Variants in REDIC1 observed in about 807,000 individuals in gnomAD.
The protein encoded by REDIC1 is HEI10 Interacting Protein 1.
the REDIC1 span, among the ~76,000 whole-genome samples, chr12:39,711,889 G>A: frequency 7.0e-4 from 27 of 38,532 alleles, 1 homozygote; most frequent in African/African-American, 2.9e-3. Flanking sequence ...GCATGTGTAT[G>A]TGTATACACG....
the REDIC1 span, among the ~76,000 whole-genome samples, chr12:39,710,377 G>C: frequency 6.6e-6 from 1 of 151,718 alleles, no homozygotes; most frequent in African/African-American, 2.4e-5. Flanking sequence ...CTTGAAACTT[G>C]AATCTTTTGC....
chr12:39,644,561 G>A, the REDIC1 span, among the ~76,000 whole-genome samples: 2 of 151,874 alleles, frequency 1.3e-5, no homozygotes, highest in African/African-American at 4.8e-5. Flanking sequence ...GGAAGGGATA[G>A]AAATTGATCA....
chr12:39,653,492 GTCTTCTTCTTCTTCTTCT>G, the REDIC1 span, among the ~76,000 whole-genome samples: 18 of 54,352 alleles, frequency 3.3e-4, no homozygotes, highest in African/African-American at 6.2e-4. Flanking sequence ...CAATCTGGAT[GTCTTCTTCTTCTTCTTCT>G]TCTTCTTCTT....
the REDIC1 span, among the ~76,000 whole-genome samples, chr12:39,733,443 G>A: frequency 4.9e-4 from 74 of 151,744 alleles, no homozygotes; most frequent in East Asian, 6.8e-3. Flanking sequence ...TATCTTCAAC[G>A]TTTGTTTTTT....
chr12:39,696,718 CAA>C, the REDIC1 span, among the ~76,000 whole-genome samples: 1 of 151,672 alleles, frequency 6.6e-6, no homozygotes, highest in Non-Finnish European at 1.5e-5. Context: ...ACAAATTTAA[CAA>C]AGAGATTGAA....
chr12:39,807,712 G>T, the REDIC1 span, among the ~76,000 whole-genome samples: 1 of 151,974 alleles, frequency 6.6e-6, no homozygotes, highest in Admixed American at 6.6e-5. Flanking sequence ...CAGGAATTTT[G>T]TCCATTTCTT....
chr12:39,820,669 T>C, the REDIC1 span, among the ~76,000 whole-genome samples: 3 of 95,502 alleles, frequency 3.1e-5, no homozygotes, highest in East Asian at 9.3e-4. Flanking sequence ...GCTGCTCTTC[T>C]TTCTGTGACC....
chr12:39,750,385 C>G, the REDIC1 span, among the ~76,000 whole-genome samples: 1 of 152,174 alleles, frequency 6.6e-6, no homozygotes, highest in East Asian at 1.9e-4. Context: ...TCAAGAACTA[C>G]AAACCACTGC....
At chr12:39,631,004 T>G in the REDIC1 span, among the ~76,000 whole-genome samples, 3 of 152,172 alleles carry the variant, frequency 2.0e-5, no homozygotes, top group African/African-American at 7.2e-5. Flanking sequence ...TCTGTTAAAA[T>G]GAGCCTCCTC....
chr12:39,704,621 A>G, the REDIC1 span, among the ~76,000 whole-genome samples: 1 of 152,058 alleles, frequency 6.6e-6, no homozygotes, highest in Non-Finnish European at 1.5e-5. Context: ...ACACATGCAC[A>G]CGTATGTTTA....
the REDIC1 span, among the ~76,000 whole-genome samples, chr12:39,806,747 G>C: frequency 6.6e-6 from 1 of 152,252 alleles, no homozygotes; most frequent in Middle Eastern, 3.4e-3. Flanking sequence ...GGGAAACATG[G>C]GTTGCTATGT....
the REDIC1 span, among the ~76,000 whole-genome samples, chr12:39,890,418 G>A: frequency 6.6e-6 from 1 of 152,160 alleles, no homozygotes; most frequent in Non-Finnish European, 1.5e-5. Flanking sequence ...CTGGCAAAGG[G>A]AAAGTAAGGT....
the REDIC1 span, among the ~76,000 whole-genome samples, chr12:39,739,280 A>G: frequency 1.3e-5 from 2 of 152,202 alleles, no homozygotes; most frequent in Non-Finnish European, 2.9e-5. Flanking sequence ...AAATGCCTAG[A>G]GGCTATGGGA....
the REDIC1 span, among the ~76,000 whole-genome samples, chr12:39,734,973 T>C: frequency 7.2e-5 from 11 of 152,378 alleles, no homozygotes; most frequent in Non-Finnish European, 1.6e-4. Context: ...ATGAATATGC[T>C]GTATCTCTTT....
At chr12:39,697,606 G>A in the REDIC1 span, among the ~76,000 whole-genome samples, 2 of 152,088 alleles carry the variant, frequency 1.3e-5, no homozygotes, top group Non-Finnish European at 2.9e-5. Flanking sequence ...GAGTTAAAAA[G>A]CAAGGGAATG....
chr12:39,837,887 T>G, the REDIC1 span, among the ~76,000 whole-genome samples: 1 of 151,162 alleles, frequency 6.6e-6, no homozygotes, highest in Admixed American at 6.6e-5. Flanking sequence ...TTTTACACTG[T>G]TGGTGGGACT....
At chr12:39,812,197 A>C in the REDIC1 span, among the ~76,000 whole-genome samples, 117,421 of 151,832 alleles carry the variant, frequency 0.77, 45,668 homozygotes, top group Non-Finnish European at 0.82. Context: ...CTGTGCCCTC[A>C]CATGGTAGAA....
the REDIC1 span, among the ~76,000 whole-genome samples, chr12:39,714,709 C>G: frequency 6.6e-6 from 1 of 151,824 alleles, no homozygotes; most frequent in East Asian, 1.9e-4. Context: ...CTGTTCACCA[C>G]TCCCATACCA....
the REDIC1 span, among the ~76,000 whole-genome samples, chr12:39,872,397 A>G: frequency 6.6e-6 from 1 of 152,234 alleles, no homozygotes; most frequent in Non-Finnish European, 1.5e-5. Flanking sequence ...AATGTAATAT[A>G]GTGGTAAAAA....
Sources: allele counts gnomAD v4.1 joint callset (sites outside exome capture counted in the v4.1 genomes callset), GRCh38; gene constraint gnomAD v4.1.1; transcripts MANE v1.5; gene names NCBI Gene and HGNC (gene_info 2026-07-23, HGNC 2026-07-21).